The following GPC6 variants were observed in gnomAD, a reference collection of about 807,000 sequenced individuals.
The protein encoded by GPC6 is glypican-6.
A neutral mutation model predicts 55.2 loss-of-function variants in GPC6; 14 were observed. The ratio of observed to expected loss-of-function variants is 0.25; its 90% confidence interval spans 0.17 to 0.40. The LOEUF (loss-of-function observed/expected upper bound fraction) is 0.40, where lower values mean the gene tolerates loss of function less well. Ranked by LOEUF, GPC6 falls within the 10% of genes least tolerant of loss-of-function variation. The probability of loss-of-function intolerance (pLI) is 1.00; values close to 1 mark genes in which losing one functional copy is unlikely to be tolerated. For missense variants in GPC6, 641 were observed against 708.5 expected, an observed-to-expected ratio of 0.90 and a Z score of 1.08; for synonymous variants, 278 against 259.6, an observed-to-expected ratio of 1.07 and a Z score of -0.68.
intron 2 of GPC6, among the ~76,000 whole-genome samples, chr13:93,684,037 G>T (rs114831294): frequency 5.9e-5 from 9 of 152,030 alleles, no homozygotes; most frequent in Non-Finnish European, 1.0e-4. Context: ...CTCCATTCTC[G>T]TGACCTCATC....
At chr13:93,611,742 C>T (rs971217314) in intron 2 of GPC6, among the ~76,000 whole-genome samples, 18 of 152,162 alleles carry the variant, frequency 1.2e-4, no homozygotes, top group African/African-American at 4.3e-4. Flanking sequence ...TCAGATAATA[C>T]ATAACTTTGC....
At position 93,596,610 on chromosome 13, in the gene GPC6, A is replaced by AAT. The variant is rs66682625; in HGVS notation, c.319+51213_319+51214dup. Among the ~76,000 whole-genome samples, 443 of 132,846 alleles carry AAT rather than the reference A, an allele frequency of 3.3e-3. 1 individual carries two copies. Among genetic ancestry groups the AAT allele is most frequent in the South Asian group, 6.3e-3 (27 of 4,306 alleles). The allele number at this position is 132,846 out of a possible 152,430, so 87.2% of individuals were successfully genotyped here. A position where few individuals can be genotyped will look rare whatever the true frequency, so the allele number is the denominator to read the frequency against. ...TGTGAAATAAATAAATAAATAAATA[A>AAT]ATATATATATATATATATATATATA... is the stretch of plus-strand genomic sequence containing the variant. On this transcript the variant is annotated intron_variant, in intron 2 of 8. Coordinates refer to ENST00000377047, the MANE Select transcript of GPC6 (RefSeq NM_005708.5).
At chr13:93,932,598 A>C (rs1878231768) in intron 3 of GPC6, among the ~76,000 whole-genome samples, 1 of 152,106 alleles carries the variant, frequency 6.6e-6, no homozygotes, top group East Asian at 1.9e-4. Flanking sequence ...ATTATATCTG[A>C]GTGTTGGGAA....
intron 4 of GPC6, among the ~76,000 whole-genome samples, chr13:94,147,676 C>G (rs1188733305): frequency 1.3e-5 from 2 of 152,130 alleles, no homozygotes; most frequent in African/African-American, 2.4e-5. Context: ...GGCCCTGGCT[C>G]TGTGACCCTG....
rs184062955 is a variant in GPC6 at position 94,298,441 on chromosome 13, G to A, written c.1009-7539G>A. Among the ~76,000 whole-genome samples the A allele has an allele frequency of 1.6e-3, 240 of 152,298 alleles. 2 individuals carry two copies. The highest frequency in any genetic ancestry group is 5.4e-3 in the African/African-American group (224 of 41,572). The stretch of plus-strand genomic sequence containing the variant: ...ACAACTGCTCCAATGTACAGGTGCC[G>A]CTGTTTATCATTTTGACAGATTGGT... On this transcript the variant is annotated intron_variant, in intron 5 of 8. Coordinates refer to ENST00000377047, the MANE Select transcript of GPC6 (RefSeq NM_005708.5).
At chr13:93,639,783 G>A (rs1212598929) in intron 2 of GPC6, among the ~76,000 whole-genome samples, 2 of 152,048 alleles carry the variant, frequency 1.3e-5, no homozygotes, top group East Asian at 1.9e-4. Context: ...TCTCTAAGCC[G>A]AGAACATTGG....
At chr13:93,737,515 C>T (rs1271268265) in intron 2 of GPC6, among the ~76,000 whole-genome samples, 1 of 152,092 alleles carries the variant, frequency 6.6e-6, no homozygotes, top group Non-Finnish European at 1.5e-5. Context: ...CAAAGTTCAA[C>T]ATTCATCGAT....
intron 1 of GPC6, among the ~76,000 whole-genome samples, chr13:93,312,276 G>A (rs1373550890): frequency 6.6e-6 from 1 of 152,038 alleles, no homozygotes; most frequent in Non-Finnish European, 1.5e-5. Context: ...TTATATCAAA[G>A]TGTCAATAGA....
intron 3 of GPC6, among the ~76,000 whole-genome samples, chr13:93,961,412 A>T (rs767033650): frequency 5.6e-4 from 86 of 152,356 alleles, no homozygotes; most frequent in Middle Eastern, 3.4e-3. Context: ...GAGATAAAAT[A>T]TGGCTTTACA....
Position 93,318,300 on chromosome 13 carries a change from A to G in GPC6, c.160+90684A>G, listed in dbSNP as rs1879312319. Among the ~76,000 whole-genome samples the G allele has an allele frequency of 2.0e-5, 3 of 152,018 alleles. No homozygotes were observed. The South Asian group carries it at 6.2e-4, about 32-fold the overall frequency. Reference sequence around the variant, plus strand: ...GGTTGGTTGGCTTTTGTTGTTTGATACTAATGGACCAAGAAGAAAAAAAAA... The same window carrying G: ...GGTTGGTTGGCTTTTGTTGTTTGATGCTAATGGACCAAGAAGAAAAAAAAA... On this transcript the variant is annotated intron_variant, in intron 1 of 8. Coordinates refer to ENST00000377047, the MANE Select transcript of GPC6 (RefSeq NM_005708.5).
chr13:93,879,333 C>T (rs966439715), intron 3 of GPC6, among the ~76,000 whole-genome samples: 5 of 152,064 alleles, frequency 3.3e-5, no homozygotes, highest in Admixed American at 6.6e-5. Flanking sequence ...GCTACAGTAA[C>T]CAAAACAGCA....
At chr13:94,269,912 G>A (rs1244699854) in intron 4 of GPC6, among the ~76,000 whole-genome samples, 1 of 152,186 alleles carries the variant, frequency 6.6e-6, no homozygotes, top group Non-Finnish European at 1.5e-5. Flanking sequence ...CGTGAGCTCA[G>A]TGTCAGATGT....
chr13:94,385,871 G>T (rs1055144606), intron 7 of GPC6, among the ~76,000 whole-genome samples: 1 of 152,062 alleles, frequency 6.6e-6, no homozygotes, highest in Non-Finnish European at 1.5e-5. Context: ...TTTGAATTAT[G>T]AGTTTTAAGA....
intron 4 of GPC6, among the ~76,000 whole-genome samples, chr13:94,279,536 G>A (rs187524726): frequency 2.0e-5 from 3 of 152,106 alleles, no homozygotes; most frequent in Non-Finnish European, 2.9e-5. Context: ...TGTGATGTTA[G>A]GGTATCGATC....
intron 3 of GPC6, among the ~76,000 whole-genome samples, chr13:93,989,515 G>A (rs1043177081): frequency 6.6e-5 from 10 of 152,152 alleles, no homozygotes; most frequent in Non-Finnish European, 1.3e-4. Flanking sequence ...CATTCACAGT[G>A]ACTTTCTAGA....
At chr13:94,305,883 A>G in intron 5 of GPC6, 97 bp from the exon 6 acceptor site, 1 of 1,146,382 alleles carries the variant, frequency 8.7e-7, no homozygotes, top group Admixed American at 1.7e-5. Flanking sequence ...AAAGTTTCAT[A>G]AGAAATGTGG....
At chr13:93,510,973 G>GTATATATA (rs1880939856) in intron 1 of GPC6, among the ~76,000 whole-genome samples, 3 of 60,922 alleles carry the variant, frequency 4.9e-5, no homozygotes, top group South Asian at 6.6e-4. Context: ...ATATATATGT[G>GTATATATA]TATATATATA....
intron 4 of GPC6, among the ~76,000 whole-genome samples, chr13:94,154,709 A>G (rs1887865595): frequency 1.3e-5 from 2 of 152,164 alleles, no homozygotes; most frequent in Non-Finnish European, 2.9e-5. Flanking sequence ...AGGGCACCAG[A>G]AGCAATGGTA....
chr13:93,500,947 C>G (rs1157540636), intron 1 of GPC6, among the ~76,000 whole-genome samples: 1 of 152,174 alleles, frequency 6.6e-6, no homozygotes, highest in Non-Finnish European at 1.5e-5. Context: ...TGACCTCAGT[C>G]TAGGTCTGTG....
Sources: gnomAD v4.1 joint callset for allele counts (sites outside exome capture counted in the v4.1 genomes callset) on GRCh38, gnomAD v4.1.1 for gene constraint, MANE v1.5 for transcripts, NCBI Gene and HGNC (gene_info 2026-07-23, HGNC 2026-07-21) for gene names.